The following TARS3 variants were observed in gnomAD, a reference collection of about 807,000 sequenced individuals.
TARS3 encodes threonine--tRNA ligase 2, cytoplasmic.
TARS3 carries 94 observed loss-of-function variants against 103.5 expected under a neutral mutation model. The ratio of observed to expected loss-of-function variants is 0.91; its 90% CI spans 0.77 to 1.08. The LOEUF (loss-of-function observed/expected upper bound fraction) is 1.08. Among genes scored for constraint, TARS3 ranks in the 50% least tolerant of loss-of-function variants. The probability of loss-of-function intolerance (pLI) is 0.00; values close to 1 mark genes in which losing one functional copy is unlikely to be tolerated. For synonymous variants in TARS3, 416 were observed against 355.4 expected, an observed-to-expected ratio of 1.17 and a Z score of -1.92; for missense variants, 952 against 995.2, an observed-to-expected ratio of 0.96 and a Z score of 0.58.
intron 16 of TARS3, among the ~76,000 whole-genome samples, chr15:101,661,168 A>AAAGGACCACAAGATGCACCACTCAAC (rs1171442434): frequency 2.6e-5 from 4 of 152,090 alleles, no homozygotes; most frequent in East Asian, 1.9e-4. Flanking sequence ...CACCACTCAA[A>AAAGGACCACAAGATGCACCACTCAAC]ATTCTGCACT....
chr15:101,724,087 T>A lies in TARS3; in HGVS notation c.297+4A>T. On this transcript the variant is annotated splice_donor_region_variant and intron_variant, in intron 1 of 18. Coordinates refer to ENST00000335968, the MANE Select transcript of TARS3 (RefSeq NM_152334.3). ...CCTCTCCAGTGTCCCCACCGCCCGG[T>A]TACCTGTGCGCCGGCCTCCTGCGCC... 7.4e-7 allele frequency: 1 copy of A among 1,358,538 alleles called. No individual in the cohort carries two copies. Among genetic ancestry groups the A allele is most frequent in the Non-Finnish European group, 9.5e-7 (1 of 1,057,622 alleles). 84.2% of individuals were successfully genotyped at this position (1,358,538 alleles called of 1,614,324 possible). A position where few individuals can be genotyped will look rare whatever the true frequency, so the allele number is the denominator to read the frequency against.
intron 7 of TARS3, among the ~76,000 whole-genome samples, chr15:101,705,317 C>A (rs1031960085): frequency 2.0e-5 from 3 of 152,150 alleles, no homozygotes; most frequent in Non-Finnish European, 4.4e-5. Flanking sequence ...GCACTCTGGA[C>A]AGTAAGTATG....
At position 101,654,477 on chromosome 15, in the gene TARS3, G is replaced by C. The variant is rs1387664576; in HGVS notation, c.*105C>G. On this transcript the variant is annotated 3_prime_UTR_variant, in exon 19 of 19. Transcript: ENST00000335968. ...CCTTTCTCAGCTGAGGCCATGAGTG[G>C]ACCCATCAGTGGCTCCAAAGTCGTA... 8.2e-7 allele frequency: 1 copy of C among 1,217,078 alleles called. No individual in the cohort carries two copies. Among genetic ancestry groups the C allele is most frequent in the Non-Finnish European group, 1.1e-6 (1 of 874,392 alleles). The allele number at this position is 1,217,078 out of a possible 1,614,324, so 75.4% of individuals were successfully genotyped here.
rs188391369 is a variant in TARS3 at position 101,708,933 on chromosome 15, G to A, written c.813-23C>T. On this transcript the variant is annotated intron_variant, in intron 5 of 18. Transcript: ENST00000335968. Reference sequence around the variant, plus strand: ...GCTCTAAAAAGAAGAGCAGAGAACCGACATCCATCTTCCAGACATTATGCA... The same window carrying A: ...GCTCTAAAAAGAAGAGCAGAGAACCAACATCCATCTTCCAGACATTATGCA... 158 of 1,444,526 alleles carry A rather than the reference G, an allele frequency of 1.1e-4. No homozygotes were observed. The African/African-American group carries it at 1.3e-3, about 12-fold the overall frequency. 89.5% of individuals were successfully genotyped at this position (1,444,526 alleles called of 1,614,324 possible). A position where few individuals can be genotyped will look rare whatever the true frequency, so the allele number is the denominator to read the frequency against.
intron 8 of TARS3, among the ~76,000 whole-genome samples, chr15:101,703,236 T>G (rs556780411): frequency 6.6e-6 from 1 of 152,356 alleles, no homozygotes; most frequent in East Asian, 1.9e-4. Flanking sequence ...AGACAAATAT[T>G]CTTGCTTACA....
intron 4 of TARS3, chr15:101,714,605 C>CAAAAAAAAAAAAA: frequency 1.3e-5 from 1 of 77,462 alleles, no homozygotes; most frequent in Non-Finnish European, 2.1e-5. Context: ...GACTCCATCT[C>CAAAAAAAAAAAAA]AAAAAAAAAA....
chr15:101,710,765 T>C (rs1056209285), intron 5 of TARS3, among the ~76,000 whole-genome samples: 1 of 152,102 alleles, frequency 6.6e-6, no homozygotes, highest in Admixed American at 6.5e-5. Flanking sequence ...AAATGCACCA[T>C]AGTCATCCAG....
At chr15:101,683,613 C>A (rs910514741) in intron 12 of TARS3, among the ~76,000 whole-genome samples, 1 of 152,150 alleles carries the variant, frequency 6.6e-6, no homozygotes. Flanking sequence ...TTACCCACCC[C>A]ACATGAAGCA....
chr15:101,699,329 AC>A (rs1341908001), intron 10 of TARS3: 1 of 451,824 alleles, frequency 2.2e-6, no homozygotes, highest in African/African-American at 2.0e-5. Flanking sequence ...CAGTGCCCTT[AC>A]CTTAGAATAA....
intron 15 of TARS3, among the ~76,000 whole-genome samples, chr15:101,671,247 A>C (rs1210334068): frequency 6.6e-6 from 1 of 152,200 alleles, no homozygotes; most frequent in African/African-American, 2.4e-5. Context: ...AGCCTGGATC[A>C]TATTTTCATG....
intron 3 of TARS3, among the ~76,000 whole-genome samples, chr15:101,717,562 TC>T (rs1900218109): frequency 6.6e-6 from 1 of 152,188 alleles, no homozygotes; most frequent in Non-Finnish European, 1.5e-5. Flanking sequence ...GAAGGAGAAG[TC>T]ATGTGTAACA....
chr15:101,705,256 T>C (rs936157235), intron 7 of TARS3, among the ~76,000 whole-genome samples: 7 of 152,238 alleles, frequency 4.6e-5, no homozygotes, highest in Non-Finnish European at 7.3e-5. Flanking sequence ...TGCTAATGCA[T>C]GAAGACTGTA....
intron 5 of TARS3, 84 bp downstream of exon 5, chr15:101,711,796 T>A: frequency 6.6e-7 from 1 of 1,509,394 alleles, no homozygotes; most frequent in South Asian, 1.3e-5. Context: ...GCCAGCAGTA[T>A]ACAGTTACTA....
intron 10 of TARS3, chr15:101,699,539 C>G (rs1295810165): frequency 2.3e-6 from 1 of 433,910 alleles, no homozygotes; most frequent in East Asian, 7.2e-5. Flanking sequence ...AGGGGCCATG[C>G]TGATTTTCCA....
At chr15:101,672,424 G>A (rs1194156929) in intron 13 of TARS3, among the ~76,000 whole-genome samples, 2 of 152,152 alleles carry the variant, frequency 1.3e-5, no homozygotes, top group Non-Finnish European at 2.9e-5. Context: ...TGGGAAGCAC[G>A]TGGGCATTCC....
At chr15:101,709,409 T>C (rs1460599191) in intron 5 of TARS3, among the ~76,000 whole-genome samples, 1 of 152,162 alleles carries the variant, frequency 6.6e-6, no homozygotes, top group Non-Finnish European at 1.5e-5. Context: ...CACTCCCTCC[T>C]GCCACACTAG....
chr15:101,718,060 G>A (rs578173105), intron 3 of TARS3, among the ~76,000 whole-genome samples: 2 of 152,274 alleles, frequency 1.3e-5, no homozygotes, highest in East Asian at 1.9e-4. Flanking sequence ...TAGCACACAA[G>A]AAAGCAGGTA....
intron 12 of TARS3, among the ~76,000 whole-genome samples, chr15:101,679,679 A>G (rs945110153): frequency 1.3e-5 from 2 of 152,206 alleles, no homozygotes; most frequent in African/African-American, 2.4e-5. Context: ...TGTTCTTAGC[A>G]TGATGAGTGA....
intron 7 of TARS3, among the ~76,000 whole-genome samples, chr15:101,704,415 G>C (rs1899437860): frequency 1.3e-5 from 2 of 152,138 alleles, no homozygotes. Flanking sequence ...AGCACTTTGG[G>C]AGGCCGAGGC....
Sources: allele counts gnomAD v4.1 joint callset (sites outside exome capture counted in the v4.1 genomes callset), GRCh38; gene constraint gnomAD v4.1.1; transcripts MANE v1.5; gene names NCBI Gene and HGNC (gene_info 2026-07-23, HGNC 2026-07-21).